The following ERO1A variants were observed in gnomAD, a reference collection of about 807,000 sequenced individuals.
ERO1A encodes the protein endoplasmic reticulum oxidoreductase 1 alpha, also known as ERO1-like protein alpha.
In ERO1A, 49 loss-of-function variants were observed where a neutral mutation model predicts 76.9. The ratio of observed to expected loss-of-function variants is 0.64; its 90% CI spans 0.51 to 0.81. The LOEUF (loss-of-function observed/expected upper bound fraction) is 0.81. Ranked by LOEUF, ERO1A falls within the 30% of genes least tolerant of loss-of-function variation. ERO1A has a pLI of 0.00. For synonymous variants in ERO1A, 174 were observed against 181.2 expected (o/e 0.96, Z 0.32); for missense variants, 448 against 542.1 (o/e 0.83, Z 1.72).
chr14:52,692,780 C>T (rs1486798761), intron 1 of ERO1A, among the ~76,000 whole-genome samples: 1 of 152,032 alleles, frequency 6.6e-6, no homozygotes, highest in Non-Finnish European at 1.5e-5. Context: ...GAATGATTTG[C>T]ACCATTTATC....
intron 9 of ERO1A, 29 bp downstream of exon 9, chr14:52,661,264 A>G (rs948526136): frequency 2.1e-6 from 2 of 939,530 alleles, no homozygotes; most frequent in African/African-American, 1.7e-5. Context: ...ACAAATTCAT[A>G]TATGTAATAT....
rs180970396 is a variant in ERO1A at position 52,657,444 on chromosome 14, A to G, written c.808+473T>C. On this transcript the variant is annotated intron_variant, in intron 11 of 15. Transcript: ENST00000395686. ...TGGAAGTTTCTATATTTTGTTTCTC[A>G]GAGTGTGATACTTTAATTCCAGAAG... Among the ~76,000 whole-genome samples the G allele has an allele frequency of 6.6e-5, 10 of 152,340 alleles. No homozygotes were observed. In the East Asian group the frequency reaches 1.5e-3, roughly 24 times the overall value.
chr14:52,648,505 C>T (rs911679798), intron 13 of ERO1A, among the ~76,000 whole-genome samples: 2 of 152,108 alleles, frequency 1.3e-5, no homozygotes, highest in African/African-American at 2.4e-5. Flanking sequence ...CACATATATG[C>T]ACTATAAATT....
At chr14:52,687,825 C>T (rs2041226792) in intron 1 of ERO1A, among the ~76,000 whole-genome samples, 1 of 152,006 alleles carries the variant, frequency 6.6e-6, no homozygotes, top group Non-Finnish European at 1.5e-5. Flanking sequence ...ATAAGAAGGC[C>T]CCAGTTGAGG....
At chr14:52,655,357 T>A (rs1191309428) in intron 11 of ERO1A, among the ~76,000 whole-genome samples, 2 of 151,690 alleles carry the variant, frequency 1.3e-5, no homozygotes, top group Non-Finnish European at 2.9e-5. Flanking sequence ...AGAGCAAGAC[T>A]CTGTCTCAAA....
chr14:52,654,103 C>T (rs1189163577), intron 11 of ERO1A, among the ~76,000 whole-genome samples: 1 of 152,104 alleles, frequency 6.6e-6, no homozygotes, highest in East Asian at 1.9e-4. Context: ...CAAATCTATA[C>T]TCTGCTTTTT....
rs1226719026 is a variant in ERO1A, at chr14:52,672,776, C to CAAA, written c.358-908_358-906dup. ...AACAGAGACAGACCCTGTCTCTGAC[C>CAAA]AAAAAAAAAAAAAAAAACAAAAAAC... On this transcript the variant is annotated intron_variant, in intron 4 of 15. Transcript: ENST00000395686. Among the ~76,000 whole-genome samples the CAAA allele has an allele frequency of 3.8e-4, 23 of 61,060 alleles. 2 individuals are homozygous for CAAA. The highest frequency in any genetic ancestry group is 5.6e-4 in the South Asian group (1 of 1,770). The allele number at this position is 61,060 out of a possible 152,430, so 40.1% of individuals were successfully genotyped here.
chr14:52,666,552 A>C, intron 6 of ERO1A, 57 bp from the exon 7 acceptor site: 1 of 1,418,914 alleles, frequency 7.0e-7, no homozygotes, highest in Non-Finnish European at 9.7e-7. Flanking sequence ...TTAAAAAGCT[A>C]CTACACAAGA....
chr14:52,651,256 C>T (rs2039856574), intron 13 of ERO1A, among the ~76,000 whole-genome samples: 1 of 152,126 alleles, frequency 6.6e-6, no homozygotes, highest in Admixed American at 6.6e-5. Context: ...TCACTGCACT[C>T]CAGCCTGGGT....
Position 52,658,007 on chromosome 14 carries a change from G to T in ERO1A, c.718C>A (p.Leu240Ile). 6.2e-7 allele frequency: 1 copy of T among 1,602,848 alleles called. No homozygotes were observed. The highest frequency in any genetic ancestry group is 8.5e-7 in the Non-Finnish European group (1 of 1,172,938). Residue 240 changes from leucine (L) to isoleucine (I), a missense_variant and splice_region_variant, in exon 11 of 16, where the codon CTC becomes ATC. Around this residue, in one of 2 missense-constraint regions of ERO1A, gnomAD observed 302 missense variants for 411.9 expected, o/e 0.73. Transcript: ENST00000395686. ...TAGAATGCTCTTTTTTCTACACAGA[G>T]ACCTAAGAAAAAGCAGTGACTTAGA... ...ENTFYSWLEGLCVEKRAFYRL... is the reference protein window; with the variant it reads ...ENTFYSWLEGICVEKRAFYRL...
chr14:52,675,821 T>G (rs1394210994), intron 4 of ERO1A, among the ~76,000 whole-genome samples: 3 of 151,980 alleles, frequency 2.0e-5, no homozygotes, highest in African/African-American at 7.3e-5. Context: ...AGATGGGGTT[T>G]TGCTATTTTG....
rs184245725 is a variant in ERO1A, at chr14:52,650,325, C to A, written c.1125+1914G>T. Among the ~76,000 whole-genome samples the A allele has an allele frequency of 4.6e-3, 692 of 148,868 alleles. 10 individuals are homozygous for A. The highest frequency in any genetic ancestry group is 0.016 in the African/African-American group (663 of 41,024). On this transcript the variant is annotated intron_variant, in intron 13 of 15. Transcript: ENST00000395686. Reference sequence around the variant, plus strand: ...TCTAGTATCTATCTATATCTAGTATCTTTATTAAGACAAAGCCCAAATTAT... The same window carrying A: ...TCTAGTATCTATCTATATCTAGTATATTTATTAAGACAAAGCCCAAATTAT...
intron 4 of ERO1A, among the ~76,000 whole-genome samples, chr14:52,675,865 T>C (rs1207368356): frequency 6.6e-6 from 1 of 152,058 alleles, no homozygotes. Flanking sequence ...CTGTATTTTT[T>C]GTAGACACGG....
At chr14:52,693,117 T>C (rs1318005900) in intron 1 of ERO1A, among the ~76,000 whole-genome samples, 1 of 149,348 alleles carries the variant, frequency 6.7e-6, no homozygotes, top group Non-Finnish European at 1.5e-5. Flanking sequence ...TGATCCTCAA[T>C]TTACTTTTTT....
chr14:52,651,989 C>CA (rs2039884546), intron 13 of ERO1A, among the ~76,000 whole-genome samples: 1 of 133,884 alleles, frequency 7.5e-6, no homozygotes, highest in Non-Finnish European at 1.6e-5. Context: ...CTACTCTCTA[C>CA]TTTTTTTTTT....
chr14:52,659,254 AAC>A (rs2139669621), intron 9 of ERO1A, among the ~76,000 whole-genome samples: 1 of 152,338 alleles, frequency 6.6e-6, no homozygotes, highest in African/African-American at 2.4e-5. Context: ...ATATGGTAAT[AAC>A]AGACAAAAAT....
intron 11 of ERO1A, among the ~76,000 whole-genome samples, chr14:52,653,902 TAG>T (rs1399318582): frequency 6.6e-6 from 1 of 152,064 alleles, no homozygotes. Context: ...CTGATTTACA[TAG>T]AGTTAGCTAT....
chr14:52,668,165 G>A (rs2040474484), intron 6 of ERO1A, among the ~76,000 whole-genome samples: 1 of 152,120 alleles, frequency 6.6e-6, no homozygotes, highest in Non-Finnish European at 1.5e-5. Flanking sequence ...TTCAGGAATG[G>A]ATAACTGTTC....
At chr14:52,664,846 T>C (rs949068522) in intron 7 of ERO1A, among the ~76,000 whole-genome samples, 1 of 151,920 alleles carries the variant, frequency 6.6e-6, no homozygotes. Flanking sequence ...TGCCCACCAC[T>C]ACGCCCGGCT....
Sources: allele counts gnomAD v4.1 joint callset (sites outside exome capture counted in the v4.1 genomes callset), GRCh38; gene constraint gnomAD v4.1.1; regional missense constraint gnomAD v4.1.1; transcripts MANE v1.5; gene names NCBI Gene and HGNC (gene_info 2026-07-23, HGNC 2026-07-21).